Variants in MAF observed in about 807,000 individuals in gnomAD.
MAF encodes the protein MAF bZIP transcription factor, also known as transcription factor Maf.
A neutral mutation model predicts 22.0 loss-of-function variants in MAF; 10 were observed. That is an observed-to-expected ratio of 0.45 (90% CI 0.28 to 0.77). The LOEUF is 0.77. Among genes scored for constraint, MAF ranks in the 30% least tolerant of loss-of-function variants. MAF has a pLI of 0.12. For synonymous variants in MAF, 337 were observed against 255.8 expected, an observed-to-expected ratio of 1.32 and a Z score of -3.03; for missense variants, 544 against 548.4, an observed-to-expected ratio of 0.99 and a Z score of 0.08.
chr16:79,254,309 T>G, the MAF span, among the ~76,000 whole-genome samples: 2 of 152,164 alleles, frequency 1.3e-5, no homozygotes, highest in African/African-American at 4.8e-5. Context: ...ATAGAGTTAT[T>G]TAACACGGTA....
chr16:79,347,171 G>C, the MAF span, among the ~76,000 whole-genome samples: 1 of 152,222 alleles, frequency 6.6e-6, no homozygotes, highest in African/African-American at 2.4e-5. Flanking sequence ...CAGCCACACA[G>C]AACTTCCATG....
At chr16:79,466,708 T>C in the MAF span, among the ~76,000 whole-genome samples, 7 of 152,240 alleles carry the variant, frequency 4.6e-5, no homozygotes, top group Non-Finnish European at 8.8e-5. Context: ...GAAGACTGTG[T>C]GTGTTGAATT....
chr16:79,499,188 C>A, the MAF span, among the ~76,000 whole-genome samples: 11 of 152,254 alleles, frequency 7.2e-5, no homozygotes, highest in Admixed American at 2.0e-4. Flanking sequence ...AGTATGACAG[C>A]AAGCATATAT....
the MAF span, among the ~76,000 whole-genome samples, chr16:79,544,579 C>T: frequency 2.6e-5 from 4 of 151,928 alleles, no homozygotes; most frequent in South Asian, 2.1e-4. Context: ...TCGAGACCAT[C>T]GTGGATAACA....
chr16:79,357,377 C>A, the MAF span, among the ~76,000 whole-genome samples: 1 of 152,026 alleles, frequency 6.6e-6, no homozygotes, highest in Non-Finnish European at 1.5e-5. Context: ...TTGAACTTGG[C>A]AGCCAGAGGT....
At chr16:79,416,509 A>AAAAC in the MAF span, among the ~76,000 whole-genome samples, 42 of 152,160 alleles carry the variant, frequency 2.8e-4, no homozygotes, top group African/African-American at 8.9e-4. Flanking sequence ...CAAAAAAAAA[A>AAAAC]AAAAGATCAG....
At chr16:79,398,179 C>G in the MAF span, among the ~76,000 whole-genome samples, 1 of 152,104 alleles carries the variant, frequency 6.6e-6, no homozygotes, top group Non-Finnish European at 1.5e-5. Context: ...ACTCCAACCT[C>G]TGCTTCTATT....
the MAF span, among the ~76,000 whole-genome samples, chr16:79,571,703 T>C: frequency 2.6e-5 from 4 of 152,096 alleles, no homozygotes; most frequent in African/African-American, 9.7e-5. Flanking sequence ...GCAGGATAGA[T>C]CTACAGGTCT....
chr16:79,385,073 C>T, the MAF span, among the ~76,000 whole-genome samples: 2 of 152,152 alleles, frequency 1.3e-5, no homozygotes, highest in East Asian at 3.9e-4. Flanking sequence ...TTTGCATGTA[C>T]CTGCCTAGGG....
At chr16:79,454,416 A>G in the MAF span, among the ~76,000 whole-genome samples, 1 of 152,174 alleles carries the variant, frequency 6.6e-6, no homozygotes, top group African/African-American at 2.4e-5. Context: ...TCAGGGGTTT[A>G]CCAATATTGG....
At chr16:79,246,721 T>C in the MAF span, among the ~76,000 whole-genome samples, 1 of 152,150 alleles carries the variant, frequency 6.6e-6, no homozygotes, top group Admixed American at 6.5e-5. Context: ...TGGTAAATAA[T>C]CTGTGGTGGG....
chr16:79,410,868 C>A, the MAF span, among the ~76,000 whole-genome samples: 4 of 152,122 alleles, frequency 2.6e-5, no homozygotes, highest in Non-Finnish European at 5.9e-5. Context: ...GGCAGAGAGG[C>A]CAGAGATAAC....
chr16:79,371,376 G>C, the MAF span, among the ~76,000 whole-genome samples: 1 of 152,292 alleles, frequency 6.6e-6, no homozygotes, highest in South Asian at 2.1e-4. Flanking sequence ...CCAGATTCAA[G>C]AGCAGGGGAC....
the MAF span, among the ~76,000 whole-genome samples, chr16:79,342,606 T>C: frequency 6.6e-6 from 1 of 151,472 alleles, no homozygotes; most frequent in African/African-American, 2.4e-5. Context: ...ATCATCATCA[T>C]TGTCACCATC....
At chr16:79,501,966 G>T in the MAF span, among the ~76,000 whole-genome samples, 1 of 152,176 alleles carries the variant, frequency 6.6e-6, no homozygotes, top group African/African-American at 2.4e-5. Flanking sequence ...CTGAGAAGTG[G>T]CTGTGAGGTA....
At chr16:79,567,703 T>A in the MAF span, among the ~76,000 whole-genome samples, 1 of 152,176 alleles carries the variant, frequency 6.6e-6, no homozygotes, top group Non-Finnish European at 1.5e-5. Context: ...TACCATCGCC[T>A]CCATGAGCAG....
the MAF span, among the ~76,000 whole-genome samples, chr16:79,484,959 G>C: frequency 1.3e-5 from 2 of 152,220 alleles, no homozygotes; most frequent in Non-Finnish European, 2.9e-5. Flanking sequence ...CCTGCCATTA[G>C]AAGTTCTGTG....
At chr16:79,289,071 T>A in the MAF span, among the ~76,000 whole-genome samples, 2 of 152,220 alleles carry the variant, frequency 1.3e-5, no homozygotes, top group African/African-American at 4.8e-5. Flanking sequence ...AGATACCTGC[T>A]GAGATCTCTA....
chr16:79,290,723 T>C, the MAF span, among the ~76,000 whole-genome samples: 1 of 152,102 alleles, frequency 6.6e-6, no homozygotes, highest in Non-Finnish European at 1.5e-5. Context: ...CAGCTTCCAA[T>C]GATGCCTCAT....
Sources: gnomAD v4.1 joint callset for allele counts (sites outside exome capture counted in the v4.1 genomes callset) on GRCh38, gnomAD v4.1.1 for gene constraint, MANE v1.5 for transcripts, NCBI Gene and HGNC (gene_info 2026-07-23, HGNC 2026-07-21) for gene names.